The following FXYD1 variants were observed in gnomAD, a reference collection of about 807,000 sequenced individuals.
FXYD1 encodes the protein phospholemman.
Under a neutral mutation model 17.2 loss-of-function variants are expected in FXYD1, and 9 were observed. The ratio of observed to expected loss-of-function variants is 0.52; its 90% confidence interval spans 0.32 to 0.91. The LOEUF is 0.91. FXYD1 is among the 40% of genes least tolerant of loss of function. FXYD1 has a pLI of 0.04. For synonymous variants in FXYD1, 55 were observed against 45.8 expected, an observed-to-expected ratio of 1.20 and a Z score of -0.81; for missense variants, 113 against 120.6, an observed-to-expected ratio of 0.94 and a Z score of 0.29.
Position 35,143,040 on chromosome 19 carries a change from G to C in FXYD1, c.*153G>C. The C allele has an allele frequency of 3.6e-6, 2 of 560,110 alleles. No individual in the cohort carries two copies. The highest frequency in any genetic ancestry group is 6.3e-6 in the Non-Finnish European group (2 of 316,822). The allele number at this position is 560,110 out of a possible 1,614,324, so 34.7% of individuals were successfully genotyped here. On this transcript the variant is annotated 3_prime_UTR_variant, in exon 8 of 8. Coordinates refer to ENST00000351325, the MANE Select transcript of FXYD1 (RefSeq NM_021902.4). This position sits in a 1 kb window ranked among gnomAD's most constrained non-coding sequence, Gnocchi z 4.3. ...CGCCAAGACTTCCAATAAAACGTGC[G>C]TTCCTCTCGACAGCACTTTGTCGGT...
At chr19:35,142,436 T>C (rs1305567672) in intron 5 of FXYD1, 36 bp from the exon 6 acceptor site, 1 of 1,566,862 alleles carries the variant, frequency 6.4e-7, no homozygotes, top group Non-Finnish European at 8.7e-7. Context: ...CTCTCCCCCT[T>C]TCCATCCCGA....
At chr19:35,140,398 G>A (rs568839541) in intron 2 of FXYD1, among the ~76,000 whole-genome samples, 199 bp from the exon 3 acceptor site, 30 of 152,220 alleles carry the variant, frequency 2.0e-4, no homozygotes, top group African/African-American at 6.7e-4. Context: ...CGTGAGTCAG[G>A]GAGCTGGGGC....
At chr19:35,138,997 A>G in intron 1 of FXYD1, 103 bp downstream of exon 1, 1 of 152,328 alleles carries the variant, frequency 6.6e-6, no homozygotes, top group East Asian at 1.9e-4. Context: ...CAGGCAGGCC[A>G]ACCCAAGAGG....
intron 1 of FXYD1, 66 bp from the exon 2 acceptor site, chr19:35,140,010 C>T (rs897326782): frequency 7.1e-7 from 1 of 1,403,146 alleles, no homozygotes. Flanking sequence ...GACTTAATCC[C>T]TTGGGTTCAA....
rs767711892 is a variant in FXYD1, at chr19:35,142,677, G to A, written c.257-43G>A. 7.6e-5 allele frequency: 123 copies of A among 1,609,062 alleles called. 3 individuals carry two copies. In the South Asian group the frequency reaches 1.3e-3, roughly 17 times the overall value. On this transcript the variant is annotated intron_variant, in intron 6 of 7. Coordinates refer to ENST00000351325, the MANE Select transcript of FXYD1 (RefSeq NM_021902.4). ...GGGCCCCACCTGCCCAGGAGCTGGG[G>A]ATGCCTCTCCAGAATGACCCCCGAT...
intron 2 of FXYD1, 96 bp downstream of exon 2, chr19:35,140,236 C>T (rs1203038654): frequency 7.7e-6 from 6 of 775,820 alleles, no homozygotes; most frequent in Admixed American, 7.2e-5. Context: ...TAGACTAAGT[C>T]GGCTGGGGTA....
Position 35,140,643 on chromosome 19 carries a change from C to T in FXYD1, c.94+14C>T. The T allele has an allele frequency of 2.5e-6, 4 of 1,612,250 alleles. No individual in the cohort carries two copies. The South Asian group carries it at 4.4e-5, about 18-fold the overall frequency. On this transcript the variant is annotated intron_variant, in intron 3 of 7. Coordinates refer to ENST00000351325, the MANE Select transcript of FXYD1 (RefSeq NM_021902.4). ...CGTTCACTTACGGTGAGCGGGGGGTCTAATTTTGAGTCCTGGGGGAGAGCC... is the reference window on the plus strand; with the variant it reads ...CGTTCACTTACGGTGAGCGGGGGGTTTAATTTTGAGTCCTGGGGGAGAGCC...
upstream of FXYD1, among the ~76,000 whole-genome samples, chr19:35,137,393 A>C (rs1365536924): frequency 6.6e-6 from 1 of 152,180 alleles, no homozygotes; most frequent in South Asian, 2.1e-4. Context: ...CAGCCTGCGC[A>C]TCTGTCACCG....
At chr19:35,141,337 C>T (rs1218375944) in intron 4 of FXYD1, 131 bp downstream of exon 4, 2 of 625,516 alleles carry the variant, frequency 3.2e-6, no homozygotes, top group African/African-American at 2.1e-5. Flanking sequence ...GGTCCCGCCC[C>T]TCCCTGGCCC....
upstream of FXYD1, among the ~76,000 whole-genome samples, chr19:35,137,433 A>C (rs1391090554): frequency 1.3e-5 from 2 of 152,226 alleles, no homozygotes; most frequent in African/African-American, 4.8e-5. Flanking sequence ...TTGCTCAAGC[A>C]TAGGGTGTGA....
chr19:35,142,737 C>A lies in FXYD1; in HGVS notation c.274C>A (p.Arg92=). 1 of 1,613,462 alleles carries A rather than the reference C, an allele frequency of 6.2e-7. No homozygotes were observed. Among genetic ancestry groups the A allele is most frequent in the South Asian group, 1.1e-5 (1 of 91,034 alleles). Residue 92 remains arginine, a synonymous_variant, in exon 7 of 8, where the codon CGG becomes AGG. Coordinates refer to ENST00000351325, the MANE Select transcript of FXYD1 (RefSeq NM_021902.4). ...SSIRRLSTRR[R] The stretch of plus-strand genomic sequence containing the variant: ...CCCCCCAGGTCTGTCCACCCGCAGG[C>A]GGTAGAAACACCTGGAGCGATGGAA...
chr19:35,137,560 G>C (rs2065216619), upstream of FXYD1: 1 of 152,286 alleles, frequency 6.6e-6, no homozygotes, highest in Non-Finnish European at 1.5e-5. Context: ...ACACAAGCTT[G>C]TTGGCCTTCC....
chr19:35,138,358 T>G (rs1249026918), upstream of FXYD1: 1 of 151,732 alleles, frequency 6.6e-6, no homozygotes, highest in African/African-American at 2.4e-5. Flanking sequence ...CCACAGCAGA[T>G]AGCGCACATG....
At chr19:35,142,575 G>A (rs371469517) in intron 6 of FXYD1, 54 bp downstream of exon 6, 7 of 1,567,926 alleles carry the variant, frequency 4.5e-6, no homozygotes, top group Non-Finnish European at 6.1e-6. Flanking sequence ...TCCAAGGACC[G>A]CTTTTCCCGG....
At chr19:35,140,552 A>T (rs553484575) in intron 2 of FXYD1, 45 bp from the exon 3 acceptor site, 1 of 1,590,148 alleles carries the variant, frequency 6.3e-7, no homozygotes, top group South Asian at 1.1e-5. Context: ...CCTCCCTGCC[A>T]GGACCCCAGG....
intron 1 of FXYD1, chr19:35,139,261 CTG>C (rs56256016): frequency 0.28 from 40,430 of 145,996 alleles, 5,401 homozygotes; most frequent in Middle Eastern, 0.36. Context: ...TCCGGCCCCA[CTG>C]TGTGTGTGTG....
chr19:35,142,773 T>A lies in FXYD1; in HGVS notation c.*29+2T>A. 1 of 1,608,398 alleles carries A rather than the reference T, an allele frequency of 6.2e-7. No homozygotes were observed. ...CCTGGAGCGATGGAATCCGGCCAGG[T>A]GCTGCAGCTCTGACACGGCGGTGGG... On this transcript the variant is annotated splice_donor_variant, in intron 7 of 7. Coordinates refer to ENST00000351325, the MANE Select transcript of FXYD1 (RefSeq NM_021902.4). LOFTEE classifies it low-confidence loss of function (3UTR_SPLICE).
At chr19:35,140,909 C>T (rs868513651) in intron 3 of FXYD1, 2 of 589,686 alleles carry the variant, frequency 3.4e-6, no homozygotes, top group Non-Finnish European at 3.0e-6. Flanking sequence ...TTCTCTCCCC[C>T]CTGTCCTCCT....
chr19:35,140,294 T>C (rs1317872823), intron 2 of FXYD1, among the ~76,000 whole-genome samples, 154 bp downstream of exon 2: 4 of 151,958 alleles, frequency 2.6e-5, no homozygotes, highest in Admixed American at 2.6e-4. Context: ...CAGGCTGGTA[T>C]TTGGGGGAGG....
Sources: allele counts gnomAD v4.1 joint callset (sites outside exome capture counted in the v4.1 genomes callset), GRCh38; gene constraint gnomAD v4.1.1; non-coding constraint Gnocchi (gnomAD v3.1); transcripts MANE v1.5; gene names NCBI Gene and HGNC (gene_info 2026-07-23, HGNC 2026-07-21).